Variants in RASGRF2 observed in about 807,000 individuals in gnomAD.
RASGRF2 encodes the protein ras-specific guanine nucleotide-releasing factor 2.
Under a neutral mutation model 151.0 loss-of-function variants are expected in RASGRF2, and 76 were observed. The observed-to-expected ratio is 0.50, with a 90% confidence interval of 0.42 to 0.61. The LOEUF (loss-of-function observed/expected upper bound fraction) is 0.61, where lower values mean the gene tolerates loss of function less well. RASGRF2 is among the 20% of genes least tolerant of loss of function. RASGRF2 has a pLI of 0.00. For missense variants in RASGRF2, 1,148 were observed against 1,564.6 expected, an observed-to-expected ratio of 0.73 and a Z score of 4.49; for synonymous variants, 504 against 566.5, an observed-to-expected ratio of 0.89 and a Z score of 1.57.
At chr5:81,067,906 C>T in intron 2 of RASGRF2, 126 bp from the exon 3 acceptor site, 1 of 744,544 alleles carries the variant, frequency 1.3e-6, no homozygotes, top group Non-Finnish European at 1.9e-6. Flanking sequence ...ACATTTATGT[C>T]AAGTAGAGAT....
Position 81,091,909 on chromosome 5 carries a change from T to C in RASGRF2, c.1391-892T>C, listed in dbSNP as rs139705063. Among the ~76,000 whole-genome samples the C allele has an allele frequency of 3.9e-3, 589 of 152,294 alleles. 7 individuals are homozygous for C. Among genetic ancestry groups the C allele is most frequent in the African/African-American group, 0.013 (544 of 41,560 alleles). On this transcript the variant is annotated intron_variant, in intron 9 of 26. Transcript: ENST00000265080. ...AGAAGGCTGCATTTGGGGTAGGTGG[T>C]AGGTTAAATAAATGTAAGAAATTTG...
chr5:81,172,193 A>G (rs142566150), intron 17 of RASGRF2, among the ~76,000 whole-genome samples: 38 of 152,302 alleles, frequency 2.5e-4, no homozygotes, highest in Non-Finnish European at 4.9e-4. Flanking sequence ...GAATTAAAAT[A>G]AATAATACAC....
At chr5:81,214,809 T>C (rs1167893324) in intron 23 of RASGRF2, among the ~76,000 whole-genome samples, 1 of 152,150 alleles carries the variant, frequency 6.6e-6, no homozygotes, top group Non-Finnish European at 1.5e-5. Flanking sequence ...ACCCTACCAC[T>C]CTCCTATGTT....
chr5:81,108,888 CAGGGAG>C (rs1752919951), intron 12 of RASGRF2, 102 bp from the exon 13 acceptor site: 3 of 1,039,710 alleles, frequency 2.9e-6, no homozygotes, highest in Non-Finnish European at 3.7e-6. Flanking sequence ...GTGTAAGAGA[CAGGGAG>C]AGAGAAATTG....
At chr5:81,162,508 C>T (rs989369124) in intron 17 of RASGRF2, among the ~76,000 whole-genome samples, 3 of 151,876 alleles carry the variant, frequency 2.0e-5, no homozygotes, top group African/African-American at 7.3e-5. Context: ...CCACCACGCC[C>T]GGTTAATTTT....
At chr5:81,223,123 CACTT>C (rs747597372) in intron 26 of RASGRF2, among the ~76,000 whole-genome samples, 1 of 152,178 alleles carries the variant, frequency 6.6e-6, no homozygotes, top group Non-Finnish European at 1.5e-5. Flanking sequence ...TGGATCAAAA[CACTT>C]ACTATTGTAA....
intron 1 of RASGRF2, among the ~76,000 whole-genome samples, chr5:81,022,106 G>A (rs73766165): frequency 0.064 from 9,782 of 152,216 alleles, 429 homozygotes; most frequent in East Asian, 0.13. Context: ...AGGAACGATG[G>A]GGGAGTGGTA....
intron 5 of RASGRF2, among the ~76,000 whole-genome samples, chr5:81,074,177 G>T (rs919417974): frequency 6.6e-6 from 1 of 152,128 alleles, no homozygotes; most frequent in African/African-American, 2.4e-5. Flanking sequence ...TTTCCTTACT[G>T]CTGAGGATTC....
At chr5:81,127,923 C>CAAAAAAAAAAAA (rs60196392) in intron 17 of RASGRF2, among the ~76,000 whole-genome samples, 10 of 64,870 alleles carry the variant, frequency 1.5e-4, no homozygotes, top group African/African-American at 3.6e-4. Context: ...GACTCCGTCT[C>CAAAAAAAAAAAA]AAAAAAAAAA....
At chr5:80,962,401 G>A (rs1209401707) in intron 1 of RASGRF2, among the ~76,000 whole-genome samples, 1 of 151,926 alleles carries the variant, frequency 6.6e-6, no homozygotes. Flanking sequence ...TTTTTTTCAG[G>A]AATATATATA....
At chr5:81,211,229 C>G (rs1561262268) in intron 22 of RASGRF2, among the ~76,000 whole-genome samples, 1 of 151,838 alleles carries the variant, frequency 6.6e-6, no homozygotes, top group African/African-American at 2.4e-5. Context: ...CCCATGCTGC[C>G]TGTGTATTCC....
chr5:81,145,284 C>G lies in RASGRF2; in HGVS notation c.2686+18121C>G, dbSNP rs1753979823. ...AGAAGGGGCCCACAGTCTAACCTGT[C>G]ACCACCCTAACCTCTGCCTTATACA... On this transcript the variant is annotated intron_variant, in intron 17 of 26. Transcript: ENST00000265080. 2.0e-5 allele frequency among the ~76,000 whole-genome samples: 3 copies of G among 152,074 alleles called. No individual in the cohort carries two copies. The South Asian group carries it at 6.2e-4, about 32-fold the overall frequency.
intron 18 of RASGRF2, among the ~76,000 whole-genome samples, chr5:81,193,949 A>G (rs1313233849): frequency 6.6e-6 from 1 of 152,172 alleles, no homozygotes; most frequent in Non-Finnish European, 1.5e-5. Context: ...TGGATAAGAT[A>G]CCTAGATTTT....
At chr5:81,061,833 C>T (rs1751443283) in intron 2 of RASGRF2, among the ~76,000 whole-genome samples, 1 of 151,762 alleles carries the variant, frequency 6.6e-6, no homozygotes, top group Non-Finnish European at 1.5e-5. Flanking sequence ...GCTACAGGTG[C>T]ATGCCACCAC....
At chr5:81,018,545 G>A (rs1749715507) in intron 1 of RASGRF2, among the ~76,000 whole-genome samples, 2 of 152,156 alleles carry the variant, frequency 1.3e-5, no homozygotes, top group Admixed American at 6.5e-5. Flanking sequence ...TTTGGGTTAA[G>A]TACTGAGATA....
chr5:81,047,089 G>T (rs577157463), intron 2 of RASGRF2, among the ~76,000 whole-genome samples: 2 of 152,304 alleles, frequency 1.3e-5, no homozygotes, highest in East Asian at 3.9e-4. Context: ...CCCTAGCTTG[G>T]ACGGTGTCAC....
At chr5:80,969,749 C>T (rs890003002) in intron 1 of RASGRF2, among the ~76,000 whole-genome samples, 1 of 148,754 alleles carries the variant, frequency 6.7e-6, no homozygotes, top group Non-Finnish European at 1.5e-5. Context: ...CTGCGCCTGG[C>T]TAAGCACTCT....
Position 80,960,635 on chromosome 5 carries a change from CG to C in RASGRF2, c.-102del. The C allele has an allele frequency of 9.0e-7, 1 of 1,107,616 alleles. No individual in the cohort carries two copies. The highest frequency in any genetic ancestry group is 4.2e-5 in the Admixed American group (1 of 23,600). 68.6% of individuals were successfully genotyped at this position (1,107,616 alleles called of 1,614,324 possible). On this transcript the variant is annotated 5_prime_UTR_variant, in exon 1 of 27. Coordinates refer to ENST00000265080, the MANE Select transcript of RASGRF2 (RefSeq NM_006909.3). The surrounding 1 kb of genome is among the most constrained non-coding windows in gnomAD (Gnocchi z 5.5). ...CGTGGGGAAAGGGGGCGCCCTTCGC[CG>C]GCCGGGACCTGAGCGGTCGCGCCCT...
chr5:80,960,768 G>A lies in RASGRF2; in HGVS notation c.30G>A (p.Gly10=), dbSNP rs1449102067. 1.2e-6 allele frequency: 2 copies of A among 1,607,368 alleles called. No homozygotes were observed. The highest frequency in any genetic ancestry group is 1.7e-6 in the Non-Finnish European group (2 of 1,175,854). ...AGAAGAGCGTGCGCTACAACGAGGG[G>A]CACGCCCTGTACCTGGCCTTTCTGG... MQKSVRYNE[G]HALYLAFLAR... The change falls in exon 1 of 27, where the codon GGG becomes GGA. Residue 10 remains glycine, a synonymous_variant. Coordinates refer to ENST00000265080, the MANE Select transcript of RASGRF2 (RefSeq NM_006909.3). This position sits in a 1 kb window ranked among gnomAD's most constrained non-coding sequence, Gnocchi z 5.5.
Sources: allele counts gnomAD v4.1 joint callset (sites outside exome capture counted in the v4.1 genomes callset), GRCh38; gene constraint gnomAD v4.1.1; non-coding constraint Gnocchi (gnomAD v3.1); transcripts MANE v1.5; gene names NCBI Gene and HGNC (gene_info 2026-07-23, HGNC 2026-07-21).